The following RAF1 variants were observed in gnomAD, a reference collection of about 807,000 sequenced individuals.
RAF1 encodes the protein Raf-1 proto-oncogene, serine/threonine kinase, also known as RAF proto-oncogene serine/threonine-protein kinase.
In RAF1, 27 loss-of-function variants were observed where a neutral mutation model predicts 81.1. That is an observed-to-expected ratio of 0.33 (90% CI 0.25 to 0.46). RAF1 has a LOEUF of 0.46. RAF1 is among the 20% of genes least tolerant of loss of function. RAF1 has a pLI of 1.00. For missense variants in RAF1, 598 were observed against 826.0 expected (o/e 0.72, Z 3.38); for synonymous variants, 298 against 294.0 (o/e 1.01, Z -0.14).
At chr3:12,661,658 G>C (rs762444756) in intron 1 of RAF1, among the ~76,000 whole-genome samples, 17 of 152,166 alleles carry the variant, frequency 1.1e-4, no homozygotes, top group African/African-American at 3.9e-4. Flanking sequence ...AGCCGAGATC[G>C]CATCATTGCA....
chr3:12,591,946 CAG>C (rs1319347038), intron 11 of RAF1, 154 bp from the exon 11 acceptor site: 6 of 666,790 alleles, frequency 9.0e-6, no homozygotes, highest in African/African-American at 1.8e-5. Flanking sequence ...TTTTTTGAGA[CAG>C]GGTCTCACTC....
At chr3:12,655,002 C>A (rs1029667553) in intron 1 of RAF1, among the ~76,000 whole-genome samples, 4 of 135,506 alleles carry the variant, frequency 3.0e-5, no homozygotes, top group Non-Finnish European at 3.1e-5. Flanking sequence ...ATAGTGAGAC[C>A]CCCCCCCCGC....
In RAF1 at chr3:12,584,464, T is replaced by C. The variant is rs186569845; in HGVS notation, c.*50A>G. 2.5e-6 allele frequency: 4 copies of C among 1,612,482 alleles called. No individual in the cohort carries two copies. In the Admixed American group the frequency reaches 5.0e-5, roughly 20 times the overall value. ...AGAAAGGGAGCAGAAAAGTGGTGCC[T>C]GCTGGCTTCTCCTCCTCCCCTGGCA... On this transcript the variant is annotated 3_prime_UTR_variant, in exon 18 of 18. Transcript: ENST00000442415.
At chr3:12,616,959 G>A (rs935768076) in intron 2 of RAF1, among the ~76,000 whole-genome samples, 2 of 152,018 alleles carry the variant, frequency 1.3e-5, no homozygotes, top group African/African-American at 4.8e-5. Flanking sequence ...TTGAGAAGGG[G>A]TCTGGCTCTC....
At chr3:12,591,833 T>C in intron 11 of RAF1, 41 bp from the exon 11 acceptor site, 1 of 1,399,246 alleles carries the variant, frequency 7.1e-7, no homozygotes, top group African/African-American at 1.4e-5. Context: ...AGTTGAATGA[T>C]CTCAGTCTTT....
Position 12,641,490 on chromosome 3 carries a change from G to GTTTTTT in RAF1, c.-27+22317_-27+22322dup, listed in dbSNP as rs747472648. On this transcript the variant is annotated intron_variant, in intron 1 of 17. Coordinates refer to ENST00000442415, the MANE Select transcript of RAF1 (RefSeq NM_001354689.3). ...CCCCCCCAAAAAAAAATGTTTTTTG[G>GTTTTTT]TTTTTTTTTTTTTTTTTTTGAAACA... 5.3e-4 allele frequency among the ~76,000 whole-genome samples: 71 copies of GTTTTTT among 134,606 alleles called. No individual in the cohort carries two copies. The South Asian group carries it at 0.017, about 32-fold the overall frequency. 88.3% of individuals were successfully genotyped at this position (134,606 alleles called of 152,430 possible).
intron 1 of RAF1, among the ~76,000 whole-genome samples, chr3:12,646,217 T>C (rs374923486): frequency 2.0e-5 from 3 of 152,190 alleles, no homozygotes; most frequent in African/African-American, 7.2e-5. Flanking sequence ...CATAGCTCAC[T>C]GTAGCCTCAA....
chr3:12,646,675 C>T (rs903225291), intron 1 of RAF1, among the ~76,000 whole-genome samples: 1 of 151,888 alleles, frequency 6.6e-6, no homozygotes, highest in African/African-American at 2.4e-5. Flanking sequence ...CTCAGCCTCC[C>T]GAGTAGCTGG....
At chr3:12,639,752 A>G (rs1372884841) in intron 1 of RAF1, among the ~76,000 whole-genome samples, 1 of 152,236 alleles carries the variant, frequency 6.6e-6, no homozygotes, top group African/African-American at 2.4e-5. Flanking sequence ...TTCCATGCTC[A>G]TGGGTAGGAA....
chr3:12,660,620 T>G (rs1014840822), intron 1 of RAF1, among the ~76,000 whole-genome samples: 1 of 152,150 alleles, frequency 6.6e-6, no homozygotes, highest in Admixed American at 6.6e-5. Flanking sequence ...GGCTGATGTT[T>G]TTACAACTAC....
intron 2 of RAF1, among the ~76,000 whole-genome samples, chr3:12,613,106 T>C (rs769283149): frequency 2.0e-5 from 3 of 152,062 alleles, no homozygotes; most frequent in Non-Finnish European, 4.4e-5. Flanking sequence ...TTCTCTATAT[T>C]CCCCTGTACT....
At chr3:12,630,179 T>C (rs1007738930) in intron 1 of RAF1, among the ~76,000 whole-genome samples, 4 of 152,228 alleles carry the variant, frequency 2.6e-5, no homozygotes, top group African/African-American at 9.6e-5. Context: ...ACACATTTTT[T>C]TGGGTATCAT....
rs549909851 is a variant in RAF1 at position 12,620,349 on chromosome 3, G to C, written c.-26-1602C>G. ...GGGGTTGGCCATGTTGGCCAGGATGGTCTCAATCTCTTGACCTCGTGATCT... is the reference window on the plus strand; with the variant it reads ...GGGGTTGGCCATGTTGGCCAGGATGCTCTCAATCTCTTGACCTCGTGATCT... On this transcript the variant is annotated intron_variant, in intron 1 of 17. Coordinates refer to ENST00000442415, the MANE Select transcript of RAF1 (RefSeq NM_001354689.3). Among the ~76,000 whole-genome samples the C allele has an allele frequency of 1.9e-4, 29 of 152,204 alleles. No homozygotes were observed. The South Asian group carries it at 5.8e-3, about 30-fold the overall frequency.
rs2058218989 is a variant in RAF1 at position 12,583,771 on chromosome 3, G to GT, written c.*742dup. 1 of 232,280 alleles carries GT rather than the reference G, an allele frequency of 4.3e-6. No individual in the cohort carries two copies. Among genetic ancestry groups the GT allele is most frequent in the African/African-American group, 2.3e-5 (1 of 44,248 alleles). The allele number at this position is 232,280 out of a possible 1,614,324, so 14.4% of individuals were successfully genotyped here. A position where few individuals can be genotyped will look rare whatever the true frequency, so the allele number is the denominator to read the frequency against. ...TGTGACTAGAGAAACAAGGCTGTTTGTTTGTTTGTTTGTTAGAGAAACAAG... is the reference window on the plus strand; with the variant it reads ...TGTGACTAGAGAAACAAGGCTGTTTGTTTTGTTTGTTTGTTAGAGAAACAAG... On this transcript the variant is annotated 3_prime_UTR_variant, in exon 18 of 18. Transcript: ENST00000442415.
Position 12,634,662 on chromosome 3 carries a change from G to T in RAF1, c.-26-15915C>A, listed in dbSNP as rs150508161. Among the ~76,000 whole-genome samples the T allele has an allele frequency of 1.3e-3, 195 of 152,172 alleles. 1 individual carries two copies. The highest frequency in any genetic ancestry group is 4.5e-3 in the African/African-American group (188 of 41,534). Reference sequence around the variant, plus strand: ...ATTTCCAACTATCATCTACATAATGGCCTTTTTTTCTTGAGAGTGCCAGGG... The same window carrying T: ...ATTTCCAACTATCATCTACATAATGTCCTTTTTTTCTTGAGAGTGCCAGGG... On this transcript the variant is annotated intron_variant, in intron 1 of 17. Coordinates refer to ENST00000442415, the MANE Select transcript of RAF1 (RefSeq NM_001354689.3).
intron 13 of RAF1, 108 bp downstream of exon 12, chr3:12,590,690 A>G: frequency 7.9e-7 from 1 of 1,264,810 alleles, no homozygotes; most frequent in South Asian, 1.2e-5. Flanking sequence ...TTGTGCAAAG[A>G]TATCACAGAA....
intron 11 of RAF1, among the ~76,000 whole-genome samples, chr3:12,594,640 T>G (rs146253700): frequency 6.6e-6 from 1 of 152,224 alleles, no homozygotes; most frequent in Non-Finnish European, 1.5e-5. Context: ...AAGCCACATC[T>G]TCCCCCTCCA....
rs1013220634 is a variant in RAF1 at position 12,598,550 on chromosome 3, T to C, written c.1168+1141A>G. Among the ~76,000 whole-genome samples the C allele has an allele frequency of 6.6e-5, 10 of 151,638 alleles. No individual in the cohort carries two copies. In the East Asian group the frequency reaches 1.6e-3, roughly 24 times the overall value. ...GAGTTGGAGACCAGCCTGGGCAACA[T>C]AGTGAGACCTTGTCTCTACAAAAGG... On this transcript the variant is annotated intron_variant, in intron 11 of 17. Transcript: ENST00000442415.
intron 5 of RAF1, among the ~76,000 whole-genome samples, chr3:12,607,108 C>T (rs1471369098): frequency 6.6e-6 from 1 of 152,184 alleles, no homozygotes; most frequent in Non-Finnish European, 1.5e-5. Context: ...GGAAACATTC[C>T]ATCTTGAAAA....
Sources: gnomAD v4.1 joint callset for allele counts (sites outside exome capture counted in the v4.1 genomes callset) on GRCh38, gnomAD v4.1.1 for gene constraint, MANE v1.5 for transcripts, NCBI Gene and HGNC (gene_info 2026-07-23, HGNC 2026-07-21) for gene names.